SGCG: variants seen among roughly 807,000 people sequenced by gnomAD.
SGCG encodes sarcoglycan gamma.
SGCG carries 26 observed loss-of-function variants against 29.3 expected under a neutral mutation model. The ratio of observed to expected loss-of-function variants is 0.89; its 90% CI spans 0.65 to 1.23. The LOEUF is 1.23. Ranked by LOEUF, SGCG falls within the 50% of genes most tolerant of loss-of-function variation. SGCG has a pLI of 0.00. For missense variants in SGCG, 353 were observed against 356.0 expected, an observed-to-expected ratio of 0.99 and a Z score of 0.07; for synonymous variants, 145 against 129.7, an observed-to-expected ratio of 1.12 and a Z score of -0.80.
chr13:23,274,604 A>G (rs1880999672), intron 4 of SGCG, among the ~76,000 whole-genome samples: 1 of 151,422 alleles, frequency 6.6e-6, no homozygotes, highest in Non-Finnish European at 1.5e-5. Flanking sequence ...TTGTATTTTT[A>G]GTAGAGACGG....
chr13:23,220,310 G>A (rs938758994), intron 2 of SGCG, among the ~76,000 whole-genome samples: 10 of 152,074 alleles, frequency 6.6e-5, no homozygotes, highest in Admixed American at 3.9e-4. Context: ...AATTAGCCGG[G>A]CGTGTGGTGC....
intron 1 of SGCG, among the ~76,000 whole-genome samples, chr13:23,200,247 AC>A (rs1352266810): frequency 6.6e-6 from 1 of 151,862 alleles, no homozygotes; most frequent in African/African-American, 2.4e-5. Context: ...ACATGGTGAA[AC>A]CCCGTCTCTA....
chr13:23,190,529 G>A (rs1273553342), intron 1 of SGCG, among the ~76,000 whole-genome samples: 3 of 152,102 alleles, frequency 2.0e-5, no homozygotes, highest in Admixed American at 2.0e-4. Context: ...AGACACATAT[G>A]CTACCTGCAT....
chr13:23,294,699 A>G (rs1454648448), intron 5 of SGCG, among the ~76,000 whole-genome samples: 1 of 152,224 alleles, frequency 6.6e-6, no homozygotes, highest in Non-Finnish European at 1.5e-5. Context: ...TCTGAATTCA[A>G]ATTACAGCCT....
chr13:23,207,624 G>A (rs2137506925), intron 2 of SGCG, among the ~76,000 whole-genome samples: 1 of 152,154 alleles, frequency 6.6e-6, no homozygotes, highest in Admixed American at 6.5e-5. Flanking sequence ...AGAGCAAAAA[G>A]ACAAATAACC....
intron 5 of SGCG, among the ~76,000 whole-genome samples, chr13:23,288,141 A>G (rs1489987637): frequency 1.3e-5 from 2 of 152,150 alleles, no homozygotes; most frequent in Non-Finnish European, 2.9e-5. Context: ...TTGGGTCCCT[A>G]TTTCAAGTGG....
At chr13:23,277,888 C>G (rs2137615106) in intron 4 of SGCG, among the ~76,000 whole-genome samples, 1 of 152,020 alleles carries the variant, frequency 6.6e-6, no homozygotes, top group African/African-American at 2.4e-5. Context: ...TTAGTAGAGA[C>G]TGGGTTTCAC....
chr13:23,247,381 C>A (rs994605229), intron 3 of SGCG, among the ~76,000 whole-genome samples: 4 of 152,044 alleles, frequency 2.6e-5, no homozygotes, highest in African/African-American at 9.7e-5. Flanking sequence ...GGGTGGGGTA[C>A]AATGGGATGG....
chr13:23,266,211 G>T (rs1880633804), intron 4 of SGCG, among the ~76,000 whole-genome samples: 1 of 151,670 alleles, frequency 6.6e-6, no homozygotes. Flanking sequence ...GGTGGAGGTT[G>T]CAGTGAGCCG....
At chr13:23,273,029 A>C (rs1880926632) in intron 4 of SGCG, among the ~76,000 whole-genome samples, 2 of 151,666 alleles carry the variant, frequency 1.3e-5, no homozygotes, top group South Asian at 4.2e-4. Context: ...TATTTTGCTA[A>C]TTTTCTCAAA....
At chr13:23,239,605 A>G (rs1185117771) in intron 3 of SGCG, among the ~76,000 whole-genome samples, 1 of 152,200 alleles carries the variant, frequency 6.6e-6, no homozygotes, top group African/African-American at 2.4e-5. Flanking sequence ...ATGTTAGAAG[A>G]CACTTTGCTC....
chr13:23,182,109 C>G (rs1353778575), intron 1 of SGCG, among the ~76,000 whole-genome samples: 1 of 152,192 alleles, frequency 6.6e-6, no homozygotes, highest in African/African-American at 2.4e-5. Flanking sequence ...AAGATATCAG[C>G]TAAGCTTGCA....
upstream of SGCG, among the ~76,000 whole-genome samples, chr13:23,180,499 T>A (rs1876691483): frequency 6.6e-6 from 1 of 152,138 alleles, no homozygotes; most frequent in South Asian, 2.1e-4. Flanking sequence ...TTTTAAAGAG[T>A]CACTGTTACA....
In SGCG at chr13:23,295,498, T is replaced by C; in HGVS notation, c.578+11T>C. The stretch of plus-strand genomic sequence containing the variant: ...GTTTCAAGACCTTAGGTAAGAATTT[T>C]TGTTCAAATATTAACAACCTCTCCT... On this transcript the variant is annotated intron_variant, in intron 6 of 7. Coordinates refer to ENST00000218867, the MANE Select transcript of SGCG (RefSeq NM_000231.3). 6.3e-7 allele frequency: 1 copy of C among 1,597,066 alleles called. No homozygotes were observed. Among genetic ancestry groups the C allele is most frequent in the Non-Finnish European group, 8.6e-7 (1 of 1,164,406 alleles).
At chr13:23,278,394 G>T (rs1305293030) in intron 4 of SGCG, among the ~76,000 whole-genome samples, 1 of 150,486 alleles carries the variant, frequency 6.6e-6, no homozygotes, top group Admixed American at 6.6e-5. Context: ...AGCGAGCGGA[G>T]ATCGCACCAT....
chr13:23,306,520 G>T (rs911779402), intron 6 of SGCG, among the ~76,000 whole-genome samples: 3 of 152,060 alleles, frequency 2.0e-5, no homozygotes, highest in African/African-American at 7.2e-5. Context: ...TTAAATTCCT[G>T]TTGTTTTCAT....
chr13:23,256,778 T>C (rs1218584462), intron 4 of SGCG, among the ~76,000 whole-genome samples: 1 of 152,222 alleles, frequency 6.6e-6, no homozygotes, highest in East Asian at 1.9e-4. Flanking sequence ...CAGTCTATCA[T>C]TGATGGACAT....
chr13:23,279,873 A>G (rs4770424), intron 5 of SGCG, among the ~76,000 whole-genome samples: 96,864 of 151,536 alleles, frequency 0.64, 32,615 homozygotes, highest in Middle Eastern at 0.84. Context: ...GACTACAGGC[A>G]CCCGCCACCA....
intron 4 of SGCG, among the ~76,000 whole-genome samples, chr13:23,253,377 G>T (rs1389835399): frequency 6.6e-6 from 1 of 152,156 alleles, no homozygotes; most frequent in East Asian, 1.9e-4. Flanking sequence ...TAAATCTTTA[G>T]TTGGAAAGTC....
Sources: allele counts gnomAD v4.1 joint callset (sites outside exome capture counted in the v4.1 genomes callset), GRCh38; gene constraint gnomAD v4.1.1; transcripts MANE v1.5; gene names NCBI Gene and HGNC (gene_info 2026-07-23, HGNC 2026-07-21).